Variants in DGKH observed in about 807,000 individuals in gnomAD.
DGKH encodes DAG kinase eta.
In DGKH, 90 loss-of-function variants were observed where a neutral mutation model predicts 159.3. The observed-to-expected ratio is 0.57, with a 90% confidence interval of 0.48 to 0.67. DGKH has a LOEUF of 0.67. Among genes scored for constraint, DGKH ranks in the 30% least tolerant of loss-of-function variants. The probability of loss-of-function intolerance (pLI) is 0.00; values close to 1 mark genes in which losing one functional copy is unlikely to be tolerated. For synonymous variants in DGKH, 536 were observed against 553.8 expected, an observed-to-expected ratio of 0.97 and a Z score of 0.45; for missense variants, 1,181 against 1,506.1, an observed-to-expected ratio of 0.78 and a Z score of 3.57.
At chr13:42,154,043 G>C (rs1352116440) in intron 3 of DGKH, 1 of 152,186 alleles carries the variant, frequency 6.6e-6, no homozygotes, top group African/African-American at 2.4e-5. Context: ...CTGTTGTTTT[G>C]AATATTGGAC....
chr13:42,181,276 CA>C (rs34220072), intron 13 of DGKH, among the ~76,000 whole-genome samples: 18,349 of 79,228 alleles, frequency 0.23, 542 homozygotes, highest in Middle Eastern at 0.31. Context: ...GACTCTGTCT[CA>C]AAAAAAAAAA....
chr13:42,226,249 C>T (rs946616202), intron 29 of DGKH, among the ~76,000 whole-genome samples: 3 of 152,146 alleles, frequency 2.0e-5, no homozygotes, highest in African/African-American at 7.2e-5. Flanking sequence ...CAATGAGATA[C>T]TATCTCACAC....
chr13:42,255,752 G>A, intron 30 of DGKH: 1 of 427,664 alleles, frequency 2.3e-6, no homozygotes, highest in Non-Finnish European at 4.1e-6. Context: ...AAGCAAAACT[G>A]CGAACTTCTC....
At chr13:42,061,735 T>C (rs1882183644) in intron 1 of DGKH, among the ~76,000 whole-genome samples, 1 of 152,192 alleles carries the variant, frequency 6.6e-6, no homozygotes, top group Non-Finnish European at 1.5e-5. Context: ...TGGGATAAAG[T>C]CTAAATTAGT....
At chr13:42,070,826 G>A (rs1882914999) in intron 1 of DGKH, 1 of 1,358,240 alleles carries the variant, frequency 7.4e-7, no homozygotes, top group Non-Finnish European at 1.1e-6. Flanking sequence ...TCTGTTAATT[G>A]GCTCCCACTG....
rs373106534 is a variant in DGKH, at chr13:42,132,906, C to T, written c.384+3274C>T. 5.9e-5 allele frequency among the ~76,000 whole-genome samples: 9 copies of T among 152,108 alleles called. No individual in the cohort carries two copies. The South Asian group carries it at 1.7e-3, about 28-fold the overall frequency. On this transcript the variant is annotated intron_variant, in intron 3 of 29. Coordinates refer to ENST00000337343, the MANE Select transcript of DGKH (RefSeq NM_178009.5). ...TTTTTTGGCCGGGCGTGATGGCTCA[C>T]GTCTGTAATCCCAGCACTTTGGGAG...
At position 42,198,468 on chromosome 13, in the gene DGKH, T is replaced by C; in HGVS notation, c.2168-10T>C. 6.2e-7 allele frequency: 1 copy of C among 1,611,588 alleles called. No individual in the cohort carries two copies. Among genetic ancestry groups the C allele is most frequent in the South Asian group, 1.1e-5 (1 of 90,426 alleles). On this transcript the variant is annotated splice_polypyrimidine_tract_variant and intron_variant, in intron 17 of 29. Transcript: ENST00000337343. Reference sequence around the variant, plus strand: ...CATGCGATCCCATATGTGTTTGCTTTTCTTTCCAGGTTTAAGAGCAGGACT... The same window carrying C: ...CATGCGATCCCATATGTGTTTGCTTCTCTTTCCAGGTTTAAGAGCAGGACT...
In DGKH at chr13:42,178,106, A is replaced by G. The variant is rs771325120; in HGVS notation, c.1453-29A>G. 26 of 1,560,366 alleles carry G rather than the reference A, an allele frequency of 1.7e-5. No homozygotes were observed. The East Asian group carries it at 4.7e-4, about 28-fold the overall frequency. ...GAGTTGTATAAATGCCAGCAACAAT[A>G]ATACAGTGTAGAGTTTTCTTTTCTT... On this transcript the variant is annotated intron_variant, in intron 12 of 29. Coordinates refer to ENST00000337343, the MANE Select transcript of DGKH (RefSeq NM_178009.5).
chr13:42,162,500 C>A lies in DGKH; in HGVS notation c.855+2364C>A, dbSNP rs1335455712. On this transcript the variant is annotated intron_variant, in intron 7 of 29. Coordinates refer to ENST00000337343, the MANE Select transcript of DGKH (RefSeq NM_178009.5). ...TCCACTCCAGCCTGGGCAACAAGAG[C>A]AAAACATCATCTCAAAAAATAAAAA... Among the ~76,000 whole-genome samples the A allele has an allele frequency of 1.3e-5, 2 of 150,040 alleles. 1 individual carries two copies. The highest frequency in any genetic ancestry group is 7.0e-3 in the Middle Eastern group (2 of 284).
chr13:42,223,788 A>G (rs956865604), intron 29 of DGKH, among the ~76,000 whole-genome samples: 2 of 152,144 alleles, frequency 1.3e-5, no homozygotes, highest in African/African-American at 4.8e-5. Flanking sequence ...ATATATGGAT[A>G]CAAGTGCAAT....
chr13:42,238,861 C>G lies in DGKH; in HGVS notation c.*9673C>G, dbSNP rs190846707. 1 of 152,244 alleles carries G rather than the reference C, an allele frequency of 6.6e-6. No homozygotes were observed. The allele number at this position is 152,244 out of a possible 1,614,324, so 9.4% of individuals were successfully genotyped here. A position where few individuals can be genotyped will look rare whatever the true frequency, so the allele number is the denominator to read the frequency against. The stretch of plus-strand genomic sequence containing the variant: ...TTTACATGACATTTGAATTCTGTCA[C>G]TATCTGATTCTTGACCTAAAGGTTT... On this transcript the variant is annotated 3_prime_UTR_variant, in exon 30 of 30. Transcript: ENST00000337343.
intron 3 of DGKH, among the ~76,000 whole-genome samples, chr13:42,152,541 A>G (rs148247175): frequency 6.1e-4 from 92 of 150,530 alleles, no homozygotes; most frequent in African/African-American, 2.2e-3. Flanking sequence ...ACATAATAAG[A>G]TACCCCAACA....
In DGKH at chr13:42,048,835, C is replaced by T. The variant is rs372202533; in HGVS notation, c.62C>T (p.Ala21Val). 1.5e-6 allele frequency: 2 copies of T among 1,345,962 alleles called. No individual in the cohort carries two copies. The highest frequency in any genetic ancestry group is 1.5e-5 in the African/African-American group (1 of 65,766). The allele number at this position is 1,345,962 out of a possible 1,614,324, so 83.4% of individuals were successfully genotyped here. A position where few individuals can be genotyped will look rare whatever the true frequency, so the allele number is the denominator to read the frequency against. Residue 21 changes from alanine to valine, a missense_variant, in exon 1 of 30, where the codon GCC becomes GTC. Physicochemically the swap from Ala to Val is moderately conservative, Grantham distance 64 (BLOSUM62 0). Around this residue, in one of 5 missense-constraint regions of DGKH, gnomAD observed 136 missense variants for 132.2 expected, o/e 1.03. Coordinates refer to ENST00000337343, the MANE Select transcript of DGKH (RefSeq NM_178009.5). This position sits in a 1 kb window ranked among gnomAD's most constrained non-coding sequence, Gnocchi z 6.7. ...PGAAGGAAAG[A>V]GAAVTSAAAS... Reference sequence around the variant, plus strand: ...GCCGCTGGAGGAGCGGCCGCCGGAGCCGGCGCCGCGGTCACCTCCGCCGCT... The same window carrying T: ...GCCGCTGGAGGAGCGGCCGCCGGAGTCGGCGCCGCGGTCACCTCCGCCGCT...
Position 42,073,944 on chromosome 13 carries a change from C to G in DGKH, c.192+24979C>G, listed in dbSNP as rs908553649. On this transcript the variant is annotated intron_variant, in intron 1 of 29. Transcript: ENST00000337343. ...CTGCACAATGGCTTTGGCATTTCCT[C>G]CTAGTACTCTGCTATGAAGCGTCCA... Among the ~76,000 whole-genome samples the G allele has an allele frequency of 2.0e-5, 3 of 152,268 alleles. No individual in the cohort carries two copies. In the East Asian group the frequency reaches 5.8e-4, roughly 29 times the overall value.
At chr13:42,062,830 C>T (rs181587545) in intron 1 of DGKH, among the ~76,000 whole-genome samples, 3 of 152,318 alleles carry the variant, frequency 2.0e-5, no homozygotes, top group Non-Finnish European at 4.4e-5. Context: ...AAACAGTTCT[C>T]GGGTTAAACC....
Position 42,234,442 on chromosome 13 carries a change from G to A in DGKH, c.*5254G>A, listed in dbSNP as rs921048058. The A allele has an allele frequency of 1.3e-5, 2 of 152,072 alleles. No individual in the cohort carries two copies. The highest frequency in any genetic ancestry group is 2.4e-5 in the African/African-American group (1 of 41,396). 9.4% of individuals were successfully genotyped at this position (152,072 alleles called of 1,614,324 possible). A position where few individuals can be genotyped will look rare whatever the true frequency, so the allele number is the denominator to read the frequency against. On this transcript the variant is annotated 3_prime_UTR_variant, in exon 30 of 30. Transcript: ENST00000337343. ...AACATAGTGGACTTTCATGTTCTAT[G>A]GATATGAATTCTTTAAGGATGTAGC...
chr13:42,208,635 GT>G, intron 21 of DGKH, among the ~76,000 whole-genome samples: 1 of 151,632 alleles, frequency 6.6e-6, no homozygotes, highest in East Asian at 1.9e-4. Context: ...TTATTAACAT[GT>G]TTGAATTAGG....
intron 1 of DGKH, among the ~76,000 whole-genome samples, chr13:42,082,140 C>T (rs1954212571): frequency 6.6e-6 from 1 of 151,752 alleles, no homozygotes; most frequent in Non-Finnish European, 1.5e-5. Context: ...GCACACGTAT[C>T]CTTCTTGCTC....
intron 1 of DGKH, chr13:42,071,121 T>G (rs1882938737): frequency 2.6e-6 from 2 of 780,894 alleles, no homozygotes; most frequent in African/African-American, 1.8e-5. Context: ...TGCCTTTTCC[T>G]TTGGAATTGT....
Sources: gnomAD v4.1 joint callset for allele counts (sites outside exome capture counted in the v4.1 genomes callset) on GRCh38, gnomAD v4.1.1 for gene constraint, gnomAD v4.1.1 regional missense constraint, Gnocchi (gnomAD v3.1) non-coding constraint, MANE v1.5 for transcripts, NCBI Gene and HGNC (gene_info 2026-07-23, HGNC 2026-07-21) for gene names.